Variants in SLC9C1 observed in about 807,000 individuals in gnomAD.
The protein encoded by SLC9C1 is solute carrier family 9 member C1.
SLC9C1 carries 97 observed loss-of-function variants against 140.9 expected under a neutral mutation model. The ratio of observed to expected loss-of-function variants is 0.69; its 90% confidence interval spans 0.58 to 0.82. SLC9C1 has a LOEUF of 0.82. Ranked by LOEUF, SLC9C1 falls within the 40% of genes least tolerant of loss-of-function variation. The probability of loss-of-function intolerance (pLI) is 0.00; values close to 1 mark genes in which losing one functional copy is unlikely to be tolerated. For synonymous variants in SLC9C1, 440 were observed against 442.6 expected (o/e 0.99, Z 0.07); for missense variants, 1,340 against 1,389.3 (o/e 0.96, Z 0.56).
At chr3:112,216,267 A>G (rs2078365525) in intron 15 of SLC9C1, among the ~76,000 whole-genome samples, 1 of 152,250 alleles carries the variant, frequency 6.6e-6, no homozygotes, top group South Asian at 2.1e-4. Context: ...AAGAAAACCT[A>G]GGCAATACCA....
At chr3:112,215,610 T>G (rs2078340105) in intron 15 of SLC9C1, among the ~76,000 whole-genome samples, 1 of 152,030 alleles carries the variant, frequency 6.6e-6, no homozygotes, top group Admixed American at 6.6e-5. Context: ...TCACAATTGC[T>G]TCAAAGAGAA....
intron 11 of SLC9C1, 122 bp from the exon 12 acceptor site, chr3:112,240,128 T>C: frequency 1.1e-6 from 1 of 895,834 alleles, no homozygotes; most frequent in Non-Finnish European, 1.6e-6. Flanking sequence ...CAACATAAAC[T>C]GTTTAATAAT....
chr3:112,250,643 CAT>C (rs1300385149), intron 10 of SLC9C1, among the ~76,000 whole-genome samples: 8 of 151,840 alleles, frequency 5.3e-5, no homozygotes, highest in South Asian at 2.1e-4. Context: ...ACACGTGAAA[CAT>C]GTGAAAATCG....
chr3:112,261,592 G>C (rs1029083953), intron 10 of SLC9C1, among the ~76,000 whole-genome samples: 1 of 152,010 alleles, frequency 6.6e-6, no homozygotes, highest in South Asian at 2.1e-4. Context: ...AGTATTAACT[G>C]TAGGGTTCAG....
chr3:112,250,616 A>C (rs1401984381), intron 10 of SLC9C1, among the ~76,000 whole-genome samples: 1 of 152,200 alleles, frequency 6.6e-6, no homozygotes, highest in Non-Finnish European at 1.5e-5. Context: ...GAATGTAGAC[A>C]TATAGATGGC....
chr3:112,242,105 T>C (rs1442300091), intron 11 of SLC9C1, among the ~76,000 whole-genome samples: 1 of 152,116 alleles, frequency 6.6e-6, no homozygotes, highest in Non-Finnish European at 1.5e-5. Flanking sequence ...CAACACCTAA[T>C]TAAACTAGAG....
chr3:112,215,706 G>A (rs2108097162), intron 15 of SLC9C1, among the ~76,000 whole-genome samples: 1 of 152,158 alleles, frequency 6.6e-6, no homozygotes, highest in South Asian at 2.1e-4. Context: ...AAATAAATGA[G>A]GATACAAACA....
chr3:112,221,784 T>C (rs1422908907), intron 13 of SLC9C1, among the ~76,000 whole-genome samples: 2 of 152,142 alleles, frequency 1.3e-5, no homozygotes, highest in East Asian at 1.9e-4. Context: ...CTTCATTCAA[T>C]ACATATATAT....
intron 2 of SLC9C1, among the ~76,000 whole-genome samples, chr3:112,283,843 C>CAAAAAAAAAAAAAAAAAAAAAAAAAAAAA (rs386397631): frequency 8.9e-6 from 1 of 111,970 alleles, no homozygotes; most frequent in Non-Finnish European, 1.8e-5. Flanking sequence ...AATCACTGTG[C>CAAAAAAAAAAAAAAAAAAAAAAAAAAAAA]AAAAAAAAAA....
chr3:112,293,231 G>T (rs1279999382), intron 1 of SLC9C1, among the ~76,000 whole-genome samples: 6 of 151,958 alleles, frequency 3.9e-5, no homozygotes, highest in African/African-American at 7.2e-5. Context: ...AGCCTAGATT[G>T]TGCCACTGCA....
intron 19 of SLC9C1, 99 bp downstream of exon 19, chr3:112,200,612 A>G (rs1169531814): frequency 3.0e-6 from 3 of 1,006,050 alleles, no homozygotes; most frequent in Non-Finnish European, 4.5e-6. Context: ...GTTAGTGAGT[A>G]GGTTTCCTCA....
At chr3:112,163,530 C>G (rs1387029690) in intron 26 of SLC9C1, among the ~76,000 whole-genome samples, 1 of 152,058 alleles carries the variant, frequency 6.6e-6, no homozygotes, top group South Asian at 2.1e-4. Flanking sequence ...TCGTTATGTA[C>G]CCAGTAGTCA....
chr3:112,201,087 G>T (rs958872815), intron 18 of SLC9C1, among the ~76,000 whole-genome samples: 1 of 152,008 alleles, frequency 6.6e-6, no homozygotes, highest in Non-Finnish European at 1.5e-5. Context: ...ATTTGTCAAA[G>T]GGAGCTAAAA....
intron 26 of SLC9C1, among the ~76,000 whole-genome samples, chr3:112,162,875 A>C (rs1004653482): frequency 1.5e-5 from 2 of 133,248 alleles, no homozygotes; most frequent in African/African-American, 5.8e-5. Flanking sequence ...CCTCTGGTAG[A>C]ATTCGGCTGT....
chr3:112,227,897 T>C (rs1355097346), intron 13 of SLC9C1, among the ~76,000 whole-genome samples: 4 of 151,970 alleles, frequency 2.6e-5, no homozygotes, highest in Non-Finnish European at 4.4e-5. Context: ...AAAAGACTAA[T>C]GAAGGAATTG....
chr3:112,226,258 C>T (rs2078679750), intron 13 of SLC9C1, among the ~76,000 whole-genome samples: 1 of 151,988 alleles, frequency 6.6e-6, no homozygotes, highest in Admixed American at 6.6e-5. Context: ...ACTGTACAAC[C>T]ACATGGAAAT....
intron 6 of SLC9C1, among the ~76,000 whole-genome samples, chr3:112,270,675 G>A (rs971259423): frequency 4.6e-5 from 7 of 152,160 alleles, no homozygotes; most frequent in African/African-American, 7.2e-5. Context: ...AATTAGCTGG[G>A]TGTGGTGGCA....
chr3:112,179,404 T>TA lies in SLC9C1; in HGVS notation c.2919+126dup, dbSNP rs1471808651. Reference sequence around the variant, plus strand: ...TGTAATTCGGCAAGTTTTGTTCCTTTATAATTCCTAGTTTTTAAAAGTAAA... The same window carrying TA: ...TGTAATTCGGCAAGTTTTGTTCCTTTAATAATTCCTAGTTTTTAAAAGTAAA... On this transcript the variant is annotated intron_variant, in intron 23 of 28. Coordinates refer to ENST00000305815, the MANE Select transcript of SLC9C1 (RefSeq NM_183061.3). 186 of 1,093,750 alleles carry TA rather than the reference T, an allele frequency of 1.7e-4. 4 individuals carry two copies. The South Asian group carries it at 2.4e-3, about 14-fold the overall frequency. 67.8% of individuals were successfully genotyped at this position (1,093,750 alleles called of 1,614,324 possible).
At chr3:112,266,992 A>G (rs1309719981) in intron 7 of SLC9C1, among the ~76,000 whole-genome samples, 1 of 152,216 alleles carries the variant, frequency 6.6e-6, no homozygotes, top group Non-Finnish European at 1.5e-5. Flanking sequence ...AATTGTCATG[A>G]AATTTTAGAT....
Sources: allele counts gnomAD v4.1 joint callset (sites outside exome capture counted in the v4.1 genomes callset), GRCh38; gene constraint gnomAD v4.1.1; transcripts MANE v1.5; gene names NCBI Gene and HGNC (gene_info 2026-07-23, HGNC 2026-07-21).